Variants in BLTP2 observed in about 807,000 individuals in gnomAD.
BLTP2 encodes bridge-like lipid transfer protein family member 2.
chr17:28,633,798 T>G, the BLTP2 span: 8 of 1,600,758 alleles, frequency 5.0e-6, no homozygotes, highest in African/African-American at 9.4e-5. Context: ...ACATTACCCC[T>G]CTCTTCCTCC....
At chr17:28,623,694 T>G in the BLTP2 span, 1 of 1,356,776 alleles carries the variant, frequency 7.4e-7, no homozygotes, top group Non-Finnish European at 1.0e-6. Flanking sequence ...TCAAGAATCT[T>G]CCAGCCATTA....
chr17:28,643,105 T>A, the BLTP2 span: 2 of 1,607,192 alleles, frequency 1.2e-6, no homozygotes, highest in Non-Finnish European at 1.7e-6. Flanking sequence ...AATCTACCCA[T>A]AACTCCAAAG....
chr17:28,621,566 A>C, the BLTP2 span: 2 of 1,116,738 alleles, frequency 1.8e-6, no homozygotes, highest in Middle Eastern at 3.9e-4. Context: ...CAATTGGGTG[A>C]CAGATCTCCA....
the BLTP2 span, chr17:28,634,819 C>T: frequency 6.2e-7 from 1 of 1,613,726 alleles, no homozygotes; most frequent in African/African-American, 1.3e-5. Context: ...CAACAACTCC[C>T]CATGCTGCTT....
chr17:28,631,438 T>A, the BLTP2 span: 1 of 1,563,220 alleles, frequency 6.4e-7, no homozygotes, highest in South Asian at 1.1e-5. Flanking sequence ...AGATACCTAC[T>A]AATATAAATA....
the BLTP2 span, chr17:28,644,939 C>G: frequency 6.7e-7 from 1 of 1,486,306 alleles, no homozygotes; most frequent in Non-Finnish European, 9.2e-7. Flanking sequence ...CCTCTCCGCC[C>G]CCTCCCTCCC....
chr17:28,638,687 A>T, the BLTP2 span: 1 of 1,120,914 alleles, frequency 8.9e-7, no homozygotes, highest in Non-Finnish European at 1.3e-6. Context: ...AAAGAACTGC[A>T]GCTTCCTATC....
At chr17:28,639,816 G>A in the BLTP2 span, 8 of 1,540,732 alleles carry the variant, frequency 5.2e-6, no homozygotes, top group South Asian at 9.0e-5. Flanking sequence ...ACTGAGATTA[G>A]ATTAAGGAGA....
At chr17:28,644,293 A>G in the BLTP2 span, 1 of 1,228,368 alleles carries the variant, frequency 8.1e-7, no homozygotes, top group Non-Finnish European at 1.2e-6. Context: ...CTGAAACTGG[A>G]TCTGAGCAAC....
the BLTP2 span, chr17:28,624,169 G>C: frequency 6.5e-7 from 1 of 1,549,166 alleles, no homozygotes. Context: ...TTAGAGGTGG[G>C]GGAAGGGGAA....
the BLTP2 span, chr17:28,640,493 T>C: frequency 4.5e-6 from 7 of 1,553,890 alleles, no homozygotes; most frequent in Non-Finnish European, 6.2e-6. Flanking sequence ...ACTAGGCTGG[T>C]TACAGAGATA....
chr17:28,624,156 T>C, the BLTP2 span: 4 of 1,511,780 alleles, frequency 2.6e-6, no homozygotes, highest in Non-Finnish European at 3.6e-6. Context: ...CACCCATTCA[T>C]ATTTAGAGGT....
the BLTP2 span, chr17:28,615,888 A>G: frequency 1.4e-6 from 2 of 1,391,816 alleles, no homozygotes; most frequent in Admixed American, 3.7e-5. Context: ...CTTGAGTGCC[A>G]AGTCCTACAA....
At chr17:28,635,769 G>T in the BLTP2 span, 1 of 675,658 alleles carries the variant, frequency 1.5e-6, no homozygotes, top group Non-Finnish European at 2.4e-6. Context: ...GTTCCTGTTA[G>T]CACTAATGTG....
the BLTP2 span, chr17:28,643,306 T>A: frequency 6.2e-7 from 1 of 1,614,072 alleles, no homozygotes; most frequent in Non-Finnish European, 8.5e-7. Context: ...CAATGCCACA[T>A]AGTGTCTGCC....
the BLTP2 span, chr17:28,620,673 C>T: frequency 6.2e-7 from 1 of 1,605,848 alleles, no homozygotes; most frequent in Non-Finnish European, 8.5e-7. Context: ...CAAGTTTCTA[C>T]CTAAATATCT....
the BLTP2 span, chr17:28,642,181 C>G: frequency 5.6e-5 from 88 of 1,580,804 alleles, no homozygotes; most frequent in African/African-American, 9.8e-4. Flanking sequence ...AGGGAACCCC[C>G]TAAGGTCAAA....
chr17:28,636,905 A>T, the BLTP2 span: 6 of 1,265,778 alleles, frequency 4.7e-6, no homozygotes, highest in South Asian at 1.3e-5. Context: ...AAAAAGACAG[A>T]GAAAGGCTCT....
the BLTP2 span, chr17:28,620,742 G>T: frequency 2.4e-6 from 3 of 1,240,258 alleles, no homozygotes; most frequent in Non-Finnish European, 3.4e-6. Context: ...CAGAAAGGGT[G>T]AGAGTTGCTC....
Sources: gnomAD v4.1 joint callset for allele counts on GRCh38, gnomAD v4.1.1 for gene constraint, MANE v1.5 for transcripts, NCBI Gene and HGNC (gene_info 2026-07-23, HGNC 2026-07-21) for gene names.